The following STON2 variants were observed in gnomAD, a reference collection of about 807,000 sequenced individuals.
STON2 encodes stonin-2.
STON2 carries 29 observed loss-of-function variants against 65.7 expected under a neutral mutation model. That is an observed-to-expected ratio of 0.44 (90% confidence interval 0.33 to 0.60). STON2 has a LOEUF of 0.60. Ranked by LOEUF, STON2 falls within the 20% of genes least tolerant of loss-of-function variation. STON2 has a pLI of 0.03. For synonymous variants in STON2, 404 were observed against 414.2 expected (o/e 0.98, Z 0.30); for missense variants, 1,054 against 1,118.1 (o/e 0.94, Z 0.82).
In STON2 at chr14:81,261,857, T is replaced by G. The variant is rs1490167594; in HGVS notation, c.*6557A>C. On this transcript the variant is annotated 3_prime_UTR_variant, in exon 8 of 8. Transcript: ENST00000614646. The stretch of plus-strand genomic sequence containing the variant: ...TCCACCTGATCTTCACCACCCTCTT[T>G]GATCCTCTTTTTAAATCTGTGTGTG... 1 of 1,534,782 alleles carries G rather than the reference T, an allele frequency of 6.5e-7. No individual in the cohort carries two copies. The highest frequency in any genetic ancestry group is 2.4e-5 in the East Asian group (1 of 40,870).
chr14:81,358,348 A>G (rs1340738129), intron 4 of STON2, among the ~76,000 whole-genome samples: 3 of 152,176 alleles, frequency 2.0e-5, no homozygotes, highest in Non-Finnish European at 4.4e-5. Context: ...AGGCGATCTG[A>G]TGTATAAGAT....
At chr14:81,333,808 T>C (rs1897286323) in intron 4 of STON2, among the ~76,000 whole-genome samples, 1 of 152,246 alleles carries the variant, frequency 6.6e-6, no homozygotes, top group Non-Finnish European at 1.5e-5. Flanking sequence ...GCTATAGTTA[T>C]ATTTTTCATT....
intron 2 of STON2, among the ~76,000 whole-genome samples, chr14:81,414,378 C>T (rs1001359056): frequency 1.3e-5 from 2 of 152,138 alleles, no homozygotes; most frequent in Non-Finnish European, 2.9e-5. Flanking sequence ...GGCCAGTGCT[C>T]TCACACGCCA....
rs1381648885 is a variant in STON2 at position 81,270,703 on chromosome 14, C to T, written c.2751G>A (p.Lys917=). Residue 917 remains lysine (K), a synonymous_variant, in exon 7 of 8, where the codon AAG becomes AAA. Coordinates refer to ENST00000614646, the MANE Select transcript of STON2 (RefSeq NM_001394390.1). ...ISVEDKTDVR[K]WVNYSAHYSY... is the part of the protein sequence containing the mutation. ...TGTAGTGTGCAGAATAATTGACCCACTTCCTGACGTCAGTCTTGTCTTCTA... is the reference window on the plus strand; with the variant it reads ...TGTAGTGTGCAGAATAATTGACCCATTTCCTGACGTCAGTCTTGTCTTCTA... The T allele has an allele frequency of 3.7e-6, 6 of 1,614,090 alleles. No individual in the cohort carries two copies. The highest frequency in any genetic ancestry group is 5.1e-6 in the Non-Finnish European group (6 of 1,180,050).
intron 5 of STON2, among the ~76,000 whole-genome samples, chr14:81,301,149 C>T (rs1214443900): frequency 6.6e-6 from 1 of 152,018 alleles, no homozygotes. Context: ...TATTTTTATC[C>T]TTCAGCTTTA....
At chr14:81,400,356 T>C (rs1900541715), upstream of STON2, among the ~76,000 whole-genome samples, 1 of 151,788 alleles carries the variant, frequency 6.6e-6, no homozygotes, top group Admixed American at 6.6e-5. Context: ...TCTCAAGCCC[T>C]GTCAAATGTG....
chr14:81,403,718 C>G (rs1314221476), upstream of STON2, among the ~76,000 whole-genome samples: 1 of 152,182 alleles, frequency 6.6e-6, no homozygotes, highest in East Asian at 1.9e-4. Flanking sequence ...TGAGAGTCAT[C>G]TGGCAATCCA....
At chr14:81,398,780 G>T (rs1022740023) in intron 1 of STON2, among the ~76,000 whole-genome samples, 200 bp from the exon 2 acceptor site, 2 of 152,138 alleles carry the variant, frequency 1.3e-5, no homozygotes, top group Non-Finnish European at 2.9e-5. Flanking sequence ...TTCTAGATAA[G>T]CCTTCATATC....
chr14:81,274,312 T>C (rs1327399807), intron 6 of STON2, among the ~76,000 whole-genome samples: 1 of 152,210 alleles, frequency 6.6e-6, no homozygotes, highest in Non-Finnish European at 1.5e-5. Flanking sequence ...CATCAACAGA[T>C]ATCCTTATGC....
Position 81,370,769 on chromosome 14 carries a change from G to A in STON2, c.571+219C>T, listed in dbSNP as rs573328507. 2.0e-4 allele frequency among the ~76,000 whole-genome samples: 30 copies of A among 152,316 alleles called. No individual in the cohort carries two copies. The South Asian group carries it at 4.3e-3, about 22-fold the overall frequency. ...TAAGATACACTGTCAAATGGTTGCCGAGTATGAATAATCTGCCAACCAAGG... is the reference window on the plus strand; with the variant it reads ...TAAGATACACTGTCAAATGGTTGCCAAGTATGAATAATCTGCCAACCAAGG... On this transcript the variant is annotated intron_variant, in intron 4 of 7. Transcript: ENST00000614646.
chr14:81,383,849 C>T (rs1044457041), intron 3 of STON2, among the ~76,000 whole-genome samples: 2 of 152,164 alleles, frequency 1.3e-5, no homozygotes, highest in Non-Finnish European at 2.9e-5. Flanking sequence ...CAGTTCAAAA[C>T]CCTCCATTAG....
chr14:81,412,564 G>T (rs1901213031), intron 2 of STON2, among the ~76,000 whole-genome samples: 1 of 139,140 alleles, frequency 7.2e-6, no homozygotes, highest in Admixed American at 7.1e-5. Context: ...AAGTAGAATG[G>T]TGGTTGCCAG....
intron 4 of STON2, among the ~76,000 whole-genome samples, chr14:81,341,966 A>G (rs999030399): frequency 3.9e-5 from 6 of 152,142 alleles, no homozygotes; most frequent in Admixed American, 1.3e-4. Context: ...GATCCTGTCT[A>G]CAGCATCTGA....
chr14:81,330,190 AC>A (rs943144172), intron 4 of STON2, among the ~76,000 whole-genome samples: 4 of 151,784 alleles, frequency 2.6e-5, no homozygotes, highest in South Asian at 4.2e-4. Context: ...GCATACCATC[AC>A]CCCCTCTCGG....
At chr14:81,416,829 G>A (rs940906646) in intron 2 of STON2, among the ~76,000 whole-genome samples, 2 of 152,148 alleles carry the variant, frequency 1.3e-5, no homozygotes, top group Admixed American at 1.3e-4. Context: ...TAATTTATCA[G>A]TAGAGCTGCA....
intron 5 of STON2, among the ~76,000 whole-genome samples, chr14:81,304,706 T>A (rs1380315486): frequency 4.0e-5 from 6 of 151,760 alleles, no homozygotes; most frequent in Non-Finnish European, 5.9e-5. Context: ...CCAGCCTGGG[T>A]GACAGAGTGA....
At chr14:81,348,701 C>G (rs1053500245) in intron 4 of STON2, among the ~76,000 whole-genome samples, 2 of 152,050 alleles carry the variant, frequency 1.3e-5, no homozygotes, top group African/African-American at 4.8e-5. Flanking sequence ...TCAATGTAAT[C>G]CCTATCAAAA....
At chr14:81,332,213 C>G (rs1013938873) in intron 4 of STON2, among the ~76,000 whole-genome samples, 1 of 152,162 alleles carries the variant, frequency 6.6e-6, no homozygotes. Context: ...CTTCCATGGT[C>G]TCTGAAAGTT....
chr14:81,306,153 A>ATCTCTC (rs141736505), intron 5 of STON2, among the ~76,000 whole-genome samples: 11,714 of 129,834 alleles, frequency 0.09, 675 homozygotes, highest in East Asian at 0.16. Flanking sequence ...ATTCTTTTAA[A>ATCTCTC]TCTCTCTCTC....
Sources: gnomAD v4.1 joint callset for allele counts (sites outside exome capture counted in the v4.1 genomes callset) on GRCh38, gnomAD v4.1.1 for gene constraint, MANE v1.5 for transcripts, NCBI Gene and HGNC (gene_info 2026-07-23, HGNC 2026-07-21) for gene names.